The following UNC13B variants were observed in gnomAD, a reference collection of about 807,000 sequenced individuals.
UNC13B encodes the protein protein unc-13 homolog B.
A neutral mutation model predicts 211.0 loss-of-function variants in UNC13B; 144 were observed. The ratio of observed to expected loss-of-function variants is 0.68; its 90% CI spans 0.60 to 0.78. The LOEUF (loss-of-function observed/expected upper bound fraction) is 0.78. Among genes scored for constraint, UNC13B ranks in the 30% least tolerant of loss-of-function variants. The pLI, the probability that UNC13B is intolerant of heterozygous loss-of-function variation, is 0.00. For missense variants in UNC13B, 1,777 were observed against 2,002.0 expected, an observed-to-expected ratio of 0.89 and a Z score of 2.14; for synonymous variants, 709 against 725.8, an observed-to-expected ratio of 0.98 and a Z score of 0.37.
chr9:35,352,385 C>A (rs1832771553), intron 11 of UNC13B: 2 of 1,232,040 alleles, frequency 1.6e-6, no homozygotes, highest in Non-Finnish European at 2.0e-6. Flanking sequence ...CTTCATCTTG[C>A]AGAAATCCAT....
intron 1 of UNC13B, among the ~76,000 whole-genome samples, chr9:35,176,438 C>G (rs1403141955): frequency 6.6e-6 from 1 of 151,986 alleles, no homozygotes; most frequent in Non-Finnish European, 1.5e-5. Flanking sequence ...ATCCCAGCTA[C>G]TCGGGACTCT....
chr9:35,250,414 T>C (rs573015016), intron 6 of UNC13B, among the ~76,000 whole-genome samples: 1 of 152,228 alleles, frequency 6.6e-6, no homozygotes, highest in Non-Finnish European at 1.5e-5. Context: ...ATAAATGAAA[T>C]TATATAACAT....
At chr9:35,392,768 T>G in intron 26 of UNC13B, among the ~76,000 whole-genome samples, 1 of 151,552 alleles carries the variant, frequency 6.6e-6, no homozygotes, top group Non-Finnish European at 1.5e-5. Flanking sequence ...ATTGTGCACA[T>G]GTACCCTAAA....
chr9:35,210,074 TA>T (rs1055628183), intron 1 of UNC13B, among the ~76,000 whole-genome samples: 11 of 150,780 alleles, frequency 7.3e-5, no homozygotes, highest in African/African-American at 2.7e-4. Flanking sequence ...ACCCAGTTAC[TA>T]AAAAAAAAAT....
At chr9:35,251,252 C>G (rs1228155586) in intron 6 of UNC13B, among the ~76,000 whole-genome samples, 1 of 152,074 alleles carries the variant, frequency 6.6e-6, no homozygotes, top group African/African-American at 2.4e-5. Context: ...GCGTGAGTCA[C>G]CGCGCCCGGC....
chr9:35,264,022 G>T (rs1587498255), intron 7 of UNC13B, among the ~76,000 whole-genome samples: 2 of 152,324 alleles, frequency 1.3e-5, no homozygotes, highest in East Asian at 3.9e-4. Context: ...TTGGTACTAA[G>T]AGGTGGATTG....
intron 11 of UNC13B, chr9:35,351,620 A>G: frequency 2.4e-6 from 3 of 1,232,236 alleles, no homozygotes; most frequent in Non-Finnish European, 3.0e-6. Flanking sequence ...GGCAGAGACC[A>G]TGTGTGGCAC....
Position 35,403,480 on chromosome 9 carries a change from G to A in UNC13B, c.12618G>A (p.Met4206Ile), listed in dbSNP as rs1836466319. ...ANDLKWQTAG[M>I]FRPFVEVTMV... ...ACCTCAAGTGGCAGACAGCGGGTAT[G>A]TTCCGGCCTTTCGTGGAGGTGACTA... The change falls in exon 39 of 40, where the codon ATG becomes ATA. Residue 4206 changes from methionine to isoleucine, a missense_variant. Physicochemically the swap from Met to Ile is conservative, Grantham distance 10. Coordinates refer to ENST00000635942, the MANE Select transcript of UNC13B (RefSeq NM_001371189.2). 2 of 1,614,098 alleles carry A rather than the reference G, an allele frequency of 1.2e-6. No individual in the cohort carries two copies. The highest frequency in any genetic ancestry group is 2.7e-5 in the African/African-American group (2 of 75,044).
intron 9 of UNC13B, 150 bp from the exon 10 acceptor site, chr9:35,310,317 C>T (rs995372215): frequency 7.5e-6 from 6 of 800,438 alleles, no homozygotes; most frequent in Middle Eastern, 2.4e-4. Context: ...ACTAATTCTT[C>T]TAGATTATGA....
chr9:35,295,794 C>G lies in UNC13B; in HGVS notation c.625C>G (p.Pro209Ala). Residue 209 changes from proline to alanine, a missense_variant, in exon 8 of 40, where the codon CCC becomes GCC. Coordinates refer to ENST00000635942, the MANE Select transcript of UNC13B (RefSeq NM_001371189.2). ...FPPPYHTASQPNASVHQFPVP... is the reference protein window; with the variant it reads ...FPPPYHTASQANASVHQFPVP... ...ACCTCCTTACCATACAGCTTCCCAG[C>G]CCAACGCTTCTGTGCACCAGTTCCC... 6.2e-7 allele frequency: 1 copy of G among 1,614,164 alleles called. No individual in the cohort carries two copies. Among genetic ancestry groups the G allele is most frequent in the Non-Finnish European group, 8.5e-7 (1 of 1,180,026 alleles).
At chr9:35,198,232 A>G (rs1425967618) in intron 1 of UNC13B, among the ~76,000 whole-genome samples, 1 of 152,226 alleles carries the variant, frequency 6.6e-6, no homozygotes, top group Non-Finnish European at 1.5e-5. Context: ...AGTTCTCATG[A>G]ATAGGTCAGC....
At chr9:35,287,086 A>G (rs1240139880) in intron 7 of UNC13B, among the ~76,000 whole-genome samples, 3 of 150,676 alleles carry the variant, frequency 2.0e-5, no homozygotes, top group Non-Finnish European at 4.4e-5. Context: ...GTTATCATAA[A>G]TTATCTTTCC....
chr9:35,401,569 T>C (rs1393589086), intron 37 of UNC13B, among the ~76,000 whole-genome samples: 1 of 152,214 alleles, frequency 6.6e-6, no homozygotes, highest in Non-Finnish European at 1.5e-5. Flanking sequence ...ACACATATGA[T>C]GAGAGCAGGG....
At position 35,304,201 on chromosome 9, in the gene UNC13B, G is replaced by T; in HGVS notation, c.4797G>T (p.Trp1599Cys). 1 of 398,712 alleles carries T rather than the reference G, an allele frequency of 2.5e-6. No homozygotes were observed. The allele number at this position is 398,712 out of a possible 1,614,324, so 24.7% of individuals were successfully genotyped here. The change falls in exon 9 of 40, where the codon TGG becomes TGT. Residue 1599 changes from tryptophan (W) to cysteine (C), a missense_variant. Trp to Cys is a radical substitution (Grantham distance 215). Coordinates refer to ENST00000635942, the MANE Select transcript of UNC13B (RefSeq NM_001371189.2). ...TTGATAAGGAAGATGAAATATTTTG[G>T]TATGTTGAAGAGGAACCAATTGATG... Reference protein sequence around the residue: ...KVLDKEDEIFWYVEEEPIDDP... With the variant: ...KVLDKEDEIFCYVEEEPIDDP...
chr9:35,391,631 C>T (rs1301861265), intron 26 of UNC13B, among the ~76,000 whole-genome samples: 1 of 152,168 alleles, frequency 6.6e-6, no homozygotes, highest in African/African-American at 2.4e-5. Context: ...TGCTGTCAGG[C>T]CAGGGAGGAG....
At position 35,301,703 on chromosome 9, in the gene UNC13B, C is replaced by CA. The variant is rs1262861138; in HGVS notation, c.2305dup (p.Ile769AsnfsTer16). 5.0e-6 allele frequency: 2 copies of CA among 398,724 alleles called. No homozygotes were observed. Among genetic ancestry groups the CA allele is most frequent in the Non-Finnish European group, 8.9e-6 (2 of 225,892 alleles). The allele number at this position is 398,724 out of a possible 1,614,324, so 24.7% of individuals were successfully genotyped here. On this transcript the variant is annotated frameshift_variant, in exon 9 of 40. Coordinates refer to ENST00000635942, the MANE Select transcript of UNC13B (RefSeq NM_001371189.2). LOFTEE classifies it high-confidence loss of function. ...AGATCTGTCTCTTTTACCAGATCAA[C>CA]AAAAAATATGTGCCAAAGATACTCC...
intron 26 of UNC13B, among the ~76,000 whole-genome samples, chr9:35,396,162 G>A (rs544619753): frequency 1.1e-4 from 17 of 152,274 alleles, no homozygotes; most frequent in African/African-American, 3.6e-4. Context: ...AGCACCCATG[G>A]CCCTTTCTCC....
intron 11 of UNC13B, among the ~76,000 whole-genome samples, chr9:35,333,499 GTGT>G (rs1831482762): frequency 6.6e-6 from 1 of 152,216 alleles, no homozygotes; most frequent in Admixed American, 6.5e-5. Context: ...AGGGCATGGT[GTGT>G]TGTTAGCATT....
At chr9:35,177,128 T>G (rs988378365) in intron 1 of UNC13B, among the ~76,000 whole-genome samples, 2 of 151,006 alleles carry the variant, frequency 1.3e-5, no homozygotes, top group African/African-American at 4.9e-5. Flanking sequence ...TAAAAAAAAT[T>G]AAAAAAAAAT....
Sources: gnomAD v4.1 joint callset for allele counts (sites outside exome capture counted in the v4.1 genomes callset) on GRCh38, gnomAD v4.1.1 for gene constraint, MANE v1.5 for transcripts, NCBI Gene and HGNC (gene_info 2026-07-23, HGNC 2026-07-21) for gene names.